Variants in HPSE2 observed in about 807,000 individuals in gnomAD.
HPSE2 encodes inactive heparanase-2.
A neutral mutation model predicts 60.5 loss-of-function variants in HPSE2; 38 were observed. The observed-to-expected ratio is 0.63, with a 90% CI of 0.48 to 0.82. The LOEUF (loss-of-function observed/expected upper bound fraction) is 0.82. Among genes scored for constraint, HPSE2 ranks in the 40% least tolerant of loss-of-function variants. The pLI is 0.00. For missense variants in HPSE2, 713 were observed against 740.4 expected (o/e 0.96, Z 0.43); for synonymous variants, 295 against 293.2 (o/e 1.01, Z -0.06).
intron 3 of HPSE2, among the ~76,000 whole-genome samples, chr10:98,744,426 C>G (rs1263157630): frequency 5.9e-5 from 9 of 152,096 alleles, no homozygotes; most frequent in African/African-American, 1.9e-4. Context: ...ACTCAGAAGG[C>G]TGAGGCAGGA....
chr10:98,732,614 A>C (rs1281882196), intron 4 of HPSE2, among the ~76,000 whole-genome samples: 1 of 152,164 alleles, frequency 6.6e-6, no homozygotes, highest in Admixed American at 6.6e-5. Context: ...TTACTTCACA[A>C]CGTTCACAAA....
intron 3 of HPSE2, among the ~76,000 whole-genome samples, chr10:98,887,313 C>A (rs1391904035): frequency 6.6e-6 from 1 of 152,098 alleles, no homozygotes. Flanking sequence ...ATATGGCCTA[C>A]TAGCTCCACT....
At chr10:99,193,789 A>C (rs1289985905) in intron 2 of HPSE2, among the ~76,000 whole-genome samples, 1 of 152,162 alleles carries the variant, frequency 6.6e-6, no homozygotes, top group African/African-American at 2.4e-5. Context: ...ATATTATAAA[A>C]AGCAAATATT....
intron 7 of HPSE2, 65 bp from the exon 8 acceptor site, chr10:98,620,773 AAC>A (rs1946052279): frequency 9.6e-7 from 1 of 1,040,286 alleles, no homozygotes; most frequent in African/African-American, 1.6e-5. Flanking sequence ...CATGAGAAGA[AAC>A]ACACATTCCC....
At chr10:99,076,738 C>T (rs1380895628) in intron 3 of HPSE2, among the ~76,000 whole-genome samples, 1 of 152,182 alleles carries the variant, frequency 6.6e-6, no homozygotes, top group Admixed American at 6.5e-5. Context: ...TTAAAAGTGA[C>T]TTACCTACCA....
intron 3 of HPSE2, among the ~76,000 whole-genome samples, chr10:99,034,960 G>A (rs1957577631): frequency 6.6e-6 from 1 of 152,148 alleles, no homozygotes; most frequent in South Asian, 2.1e-4. Flanking sequence ...AATGGAACTT[G>A]CAGAACCATA....
chr10:99,097,132 A>C (rs1253461499), intron 3 of HPSE2, among the ~76,000 whole-genome samples: 2 of 152,202 alleles, frequency 1.3e-5, no homozygotes, highest in African/African-American at 2.4e-5. Context: ...GCACAAGGCC[A>C]GGGTCTAAGT....
intron 3 of HPSE2, among the ~76,000 whole-genome samples, chr10:99,056,397 AC>A (rs2135512567): frequency 6.6e-6 from 1 of 152,280 alleles, no homozygotes; most frequent in East Asian, 1.9e-4. Flanking sequence ...TCAATAGTAC[AC>A]AAATGCTTTC....
chr10:99,263,166 T>C, the HPSE2 span, among the ~76,000 whole-genome samples: 1 of 152,266 alleles, frequency 6.6e-6, no homozygotes, highest in South Asian at 2.1e-4. Context: ...TTCCTATTCC[T>C]CACCCTGATC....
At chr10:99,222,888 G>A (rs1849358208) in intron 2 of HPSE2, among the ~76,000 whole-genome samples, 1 of 152,138 alleles carries the variant, frequency 6.6e-6, no homozygotes, top group Admixed American at 6.6e-5. Flanking sequence ...ATGTTCATGG[G>A]ACTATATTCA....
intron 3 of HPSE2, among the ~76,000 whole-genome samples, chr10:98,841,083 C>A (rs1211857714): frequency 1.3e-5 from 2 of 152,096 alleles, no homozygotes; most frequent in Non-Finnish European, 2.9e-5. Flanking sequence ...CATGGAGAAA[C>A]CCCATCTCTA....
In HPSE2 at chr10:98,482,631, C is replaced by T. The variant is rs374135411; in HGVS notation, c.1613+5G>A. The T allele has an allele frequency of 6.8e-6, 11 of 1,614,104 alleles. No homozygotes were observed. Among genetic ancestry groups the T allele is most frequent in the South Asian group, 4.4e-5 (4 of 91,080 alleles). Reference sequence around the variant, plus strand: ...CTCCCGAGCTATTTTCAGGTTGGCACGTACTTGGACTTTAGGCCCTCCTGC... The same window carrying T: ...CTCCCGAGCTATTTTCAGGTTGGCATGTACTTGGACTTTAGGCCCTCCTGC... On this transcript the variant is annotated splice_donor_5th_base_variant and intron_variant, in intron 11 of 11. Transcript: ENST00000370552.
chr10:98,805,538 CCTA>C (rs1270315271), intron 3 of HPSE2, among the ~76,000 whole-genome samples: 1 of 151,562 alleles, frequency 6.6e-6, no homozygotes, highest in Non-Finnish European at 1.5e-5. Context: ...TACACATACA[CCTA>C]CTATGTATCC....
the HPSE2 span, among the ~76,000 whole-genome samples, chr10:99,299,143 C>G: frequency 6.6e-6 from 1 of 152,258 alleles, no homozygotes; most frequent in South Asian, 2.1e-4. Flanking sequence ...AGCCTCCCCC[C>G]TCCCCTAGTT....
chr10:99,265,209 G>A, the HPSE2 span, among the ~76,000 whole-genome samples: 1 of 152,126 alleles, frequency 6.6e-6, no homozygotes, highest in African/African-American at 2.4e-5. Context: ...ATTCTCCCCT[G>A]CCCTTAAGAA....
intron 3 of HPSE2, among the ~76,000 whole-genome samples, chr10:99,141,765 T>C (rs1457536420): frequency 6.6e-6 from 1 of 152,194 alleles, no homozygotes; most frequent in Non-Finnish European, 1.5e-5. Context: ...GACAGTCACA[T>C]CAGGTAAAGG....
Position 99,175,561 on chromosome 10 carries a change from G to C in HPSE2, c.449-31162C>G, listed in dbSNP as rs181610000. On this transcript the variant is annotated intron_variant, in intron 2 of 11. Coordinates refer to ENST00000370552, the MANE Select transcript of HPSE2 (RefSeq NM_021828.5). ...TCAGCAAGGCTGCTGTAGCCATATT[G>C]CCTCTCTAGATTCCTCTTCTCTGGG... is the stretch of plus-strand genomic sequence containing the variant. Among the ~76,000 whole-genome samples the C allele has an allele frequency of 3.2e-3, 484 of 152,326 alleles. 2 individuals are homozygous for C. The highest frequency in any genetic ancestry group is 5.6e-3 in the Non-Finnish European group (383 of 68,028).
At chr10:98,796,516 C>T (rs547473398) in intron 3 of HPSE2, among the ~76,000 whole-genome samples, 1 of 152,272 alleles carries the variant, frequency 6.6e-6, no homozygotes, top group Non-Finnish European at 1.5e-5. Context: ...TAAAATGGAA[C>T]ATCAGGTAAA....
In HPSE2 at chr10:98,732,581, T is replaced by A. The variant is rs146634895; in HGVS notation, c.785-10753A>T. On this transcript the variant is annotated intron_variant, in intron 4 of 11. Coordinates refer to ENST00000370552, the MANE Select transcript of HPSE2 (RefSeq NM_021828.5). ...GGTACTGGGAATCTCTATATCCACA[T>A]GCAAAAAGACTAATTTATAGCCTTA... is the stretch of plus-strand genomic sequence containing the variant. Among the ~76,000 whole-genome samples the A allele has an allele frequency of 2.0e-5, 3 of 152,068 alleles. 1 individual carries two copies. The highest frequency in any genetic ancestry group is 4.1e-4 in the South Asian group (2 of 4,836).
Sources: allele counts gnomAD v4.1 joint callset (sites outside exome capture counted in the v4.1 genomes callset), GRCh38; gene constraint gnomAD v4.1.1; transcripts MANE v1.5; gene names NCBI Gene and HGNC (gene_info 2026-07-23, HGNC 2026-07-21).